The following TTC39C variants were observed in gnomAD, a reference collection of about 807,000 sequenced individuals.
TTC39C encodes the protein tetratricopeptide repeat protein 39C.
TTC39C carries 33 observed loss-of-function variants against 76.3 expected under a neutral mutation model. The ratio of observed to expected loss-of-function variants is 0.43; its 90% CI spans 0.33 to 0.58. The LOEUF (loss-of-function observed/expected upper bound fraction) is 0.58. Among genes scored for constraint, TTC39C ranks in the 20% least tolerant of loss-of-function variants. The probability of loss-of-function intolerance (pLI) is 0.04; values close to 1 mark genes in which losing one functional copy is unlikely to be tolerated. For synonymous variants in TTC39C, 254 were observed against 260.6 expected, an observed-to-expected ratio of 0.97 and a Z score of 0.24; for missense variants, 595 against 701.4, an observed-to-expected ratio of 0.85 and a Z score of 1.71.
chr18:24,044,085 TGTGTG>T (rs2083833025), intron 1 of TTC39C, among the ~76,000 whole-genome samples: 2 of 149,424 alleles, frequency 1.3e-5, no homozygotes, highest in Non-Finnish European at 3.0e-5. Flanking sequence ...TGTGTGTGTG[TGTGTG>T]TTTAATAACC....
chr18:24,023,658 C>T (rs1192944800), intron 1 of TTC39C, among the ~76,000 whole-genome samples: 1 of 151,980 alleles, frequency 6.6e-6, no homozygotes, highest in East Asian at 1.9e-4. Context: ...ATTTGCCTGC[C>T]TGGCATGAGA....
At chr18:24,106,887 G>A (rs1312222648) in intron 6 of TTC39C, among the ~76,000 whole-genome samples, 7 of 152,156 alleles carry the variant, frequency 4.6e-5, no homozygotes, top group African/African-American at 1.7e-4. Flanking sequence ...GTTTCACCAT[G>A]TTGGCCAGGC....
At chr18:24,130,152 C>A (rs2085106260) in intron 11 of TTC39C, among the ~76,000 whole-genome samples, 161 bp from the exon 12 acceptor site, 1 of 152,022 alleles carries the variant, frequency 6.6e-6, no homozygotes. Flanking sequence ...TAAAGGACTT[C>A]TAAGATGTAG....
At chr18:24,071,074 G>A (rs1466858161) in intron 4 of TTC39C, among the ~76,000 whole-genome samples, 3 of 151,658 alleles carry the variant, frequency 2.0e-5, no homozygotes, top group African/African-American at 4.8e-5. Context: ...GATTACAGGC[G>A]CCCACCACCA....
At chr18:24,024,951 C>A (rs1486707040) in intron 1 of TTC39C, among the ~76,000 whole-genome samples, 2 of 152,180 alleles carry the variant, frequency 1.3e-5, no homozygotes, top group African/African-American at 4.8e-5. Flanking sequence ...TCACTGCAAC[C>A]TCCAACTCCT....
At chr18:24,112,510 A>G (rs575713738) in intron 6 of TTC39C, among the ~76,000 whole-genome samples, 1 of 152,342 alleles carries the variant, frequency 6.6e-6, no homozygotes, top group African/African-American at 2.4e-5. Flanking sequence ...AAATGATTTG[A>G]TTGAAATACT....
At chr18:24,105,404 T>A (rs1599330047) in intron 6 of TTC39C, among the ~76,000 whole-genome samples, 1 of 152,240 alleles carries the variant, frequency 6.6e-6, no homozygotes, top group Non-Finnish European at 1.5e-5. Flanking sequence ...GATCATCGGG[T>A]ATTTATACAA....
At chr18:24,075,684 C>CAAAAAAAAAAAAAAAAAA in intron 4 of TTC39C, among the ~76,000 whole-genome samples, 1 of 64,262 alleles carries the variant, frequency 1.6e-5, no homozygotes, top group Non-Finnish European at 3.8e-5. Context: ...GACCTTGTCT[C>CAAAAAAAAAAAAAAAAAA]AAAAAAAAAA....
chr18:24,064,801 G>C (rs1306734347), intron 2 of TTC39C, among the ~76,000 whole-genome samples: 1 of 152,156 alleles, frequency 6.6e-6, no homozygotes, highest in African/African-American at 2.4e-5. Flanking sequence ...AAAAGAGAAA[G>C]CATTTAGATC....
chr18:24,081,986 TGTTGGTTAA>T (rs1464985130), intron 5 of TTC39C, among the ~76,000 whole-genome samples: 5 of 151,816 alleles, frequency 3.3e-5, no homozygotes, highest in Admixed American at 2.6e-4. Context: ...ATATTTGACA[TGTTGGTTAA>T]ACATTTTTGT....
In TTC39C at chr18:24,062,138, G is replaced by A. The variant is rs553962723; in HGVS notation, c.168-2002G>A. Reference sequence around the variant, plus strand: ...AAATGATAAGATGGTAGGTGAAGTCGAAAGGGCCAGGTTAGGTACCATGAA... The same window carrying A: ...AAATGATAAGATGGTAGGTGAAGTCAAAAGGGCCAGGTTAGGTACCATGAA... On this transcript the variant is annotated intron_variant, in intron 1 of 13. Coordinates refer to ENST00000317571, the MANE Select transcript of TTC39C (RefSeq NM_001135993.2). 8.3e-4 allele frequency among the ~76,000 whole-genome samples: 126 copies of A among 152,304 alleles called. 1 individual carries two copies. The highest frequency in any genetic ancestry group is 1.4e-3 in the Admixed American group (21 of 15,302).
At chr18:24,086,156 T>G (rs2145767818) in intron 6 of TTC39C, among the ~76,000 whole-genome samples, 1 of 152,268 alleles carries the variant, frequency 6.6e-6, no homozygotes, top group South Asian at 2.1e-4. Context: ...AGGTTAGAAA[T>G]AGGGCCCCTT....
At chr18:24,111,662 AG>A (rs896434243) in intron 6 of TTC39C, among the ~76,000 whole-genome samples, 9 of 151,602 alleles carry the variant, frequency 5.9e-5, no homozygotes, top group African/African-American at 2.2e-4. Context: ...TGGGAAGCCG[AG>A]GTGGAAGGAT....
chr18:24,045,437 T>C (rs2083856247), intron 1 of TTC39C, among the ~76,000 whole-genome samples: 1 of 152,120 alleles, frequency 6.6e-6, no homozygotes, highest in African/African-American at 2.4e-5. Flanking sequence ...ACTTAAAATA[T>C]TATGGCATAT....
At chr18:24,072,100 C>T (rs1335230621) in intron 4 of TTC39C, among the ~76,000 whole-genome samples, 2 of 151,964 alleles carry the variant, frequency 1.3e-5, no homozygotes, top group East Asian at 3.9e-4. Context: ...TTGTTGGGAT[C>T]CATGTTTCTT....
At chr18:24,130,037 T>G (rs2085104719) in intron 11 of TTC39C, among the ~76,000 whole-genome samples, 1 of 152,224 alleles carries the variant, frequency 6.6e-6, no homozygotes, top group African/African-American at 2.4e-5. Flanking sequence ...AGATAAAAGA[T>G]GTTCTCAGTG....
intron 8 of TTC39C, 123 bp downstream of exon 8, chr18:24,118,355 G>A (rs1474382920): frequency 1.5e-6 from 1 of 657,744 alleles, no homozygotes; most frequent in Non-Finnish European, 2.6e-6. Flanking sequence ...GCCTTCCCCA[G>A]CATGTTAATG....
chr18:23,998,704 C>A (rs1223061065), intron 1 of TTC39C, among the ~76,000 whole-genome samples: 2 of 152,096 alleles, frequency 1.3e-5, no homozygotes, highest in African/African-American at 4.8e-5. Context: ...CCCTGAATAG[C>A]CTAACTGATC....
In TTC39C at chr18:24,105,568, C is replaced by T. The variant is rs569459662; in HGVS notation, c.985-8986C>T. On this transcript the variant is annotated intron_variant, in intron 6 of 13. Coordinates refer to ENST00000317571, the MANE Select transcript of TTC39C (RefSeq NM_001135993.2). The stretch of plus-strand genomic sequence containing the variant: ...GGCAGGCACCACACTGGCCCACCTT[C>T]GTCACCTGTGAGAACTCCAGTGGTG... Among the ~76,000 whole-genome samples, 9 of 152,352 alleles carry T rather than the reference C, an allele frequency of 5.9e-5. No individual in the cohort carries two copies. The East Asian group carries it at 1.4e-3, about 23-fold the overall frequency.
Sources: allele counts gnomAD v4.1 joint callset (sites outside exome capture counted in the v4.1 genomes callset), GRCh38; gene constraint gnomAD v4.1.1; transcripts MANE v1.5; gene names NCBI Gene and HGNC (gene_info 2026-07-23, HGNC 2026-07-21).